RAPGEF4: variants seen among roughly 807,000 people sequenced by gnomAD.
RAPGEF4 encodes Rap guanine nucleotide exchange factor 4, also known as RAP guanine-nucleotide-exchange factor (GEF) 4.
In RAPGEF4, 66 loss-of-function variants were observed where a neutral mutation model predicts 147.9. The ratio of observed to expected loss-of-function variants is 0.45; its 90% CI spans 0.37 to 0.55. The LOEUF (loss-of-function observed/expected upper bound fraction) is 0.55, where lower values mean the gene tolerates loss of function less well. RAPGEF4 is among the 20% of genes least tolerant of loss of function. The pLI is 0.00. For synonymous variants in RAPGEF4, 419 were observed against 442.7 expected, an observed-to-expected ratio of 0.95 and a Z score of 0.67; for missense variants, 1,071 against 1,257.3, an observed-to-expected ratio of 0.85 and a Z score of 2.24.
At chr2:172,769,034 T>A (rs973365579) in intron 1 of RAPGEF4, among the ~76,000 whole-genome samples, 2 of 152,122 alleles carry the variant, frequency 1.3e-5, no homozygotes, top group Non-Finnish European at 2.9e-5. Flanking sequence ...CCTTTCCTTA[T>A]GTGTGAATGT....
intron 16 of RAPGEF4, 37 bp from the exon 17 acceptor site, chr2:173,001,229 G>T: frequency 1.2e-6 from 2 of 1,608,260 alleles, no homozygotes; most frequent in Non-Finnish European, 1.7e-6. Context: ...ATTTCCACAA[G>T]AACCTAATTT....
At chr2:172,751,359 A>G (rs535881147) in intron 1 of RAPGEF4, among the ~76,000 whole-genome samples, 142 of 152,320 alleles carry the variant, frequency 9.3e-4, no homozygotes, top group Non-Finnish European at 1.6e-3. Context: ...GTCTTCAAAA[A>G]ACGATTTATG....
At chr2:172,769,026 T>C (rs963374450) in intron 1 of RAPGEF4, among the ~76,000 whole-genome samples, 5 of 152,190 alleles carry the variant, frequency 3.3e-5, no homozygotes, top group African/African-American at 1.2e-4. Flanking sequence ...ACCATTTCCC[T>C]TTCCTTATGT....
At chr2:172,926,659 C>T (rs1361221524) in intron 6 of RAPGEF4, among the ~76,000 whole-genome samples, 6 of 152,112 alleles carry the variant, frequency 3.9e-5, no homozygotes, top group Non-Finnish European at 1.5e-5. Context: ...GCAACCTCTG[C>T]TTCCTGGGTT....
chr2:172,913,019 T>C (rs1327695980), intron 4 of RAPGEF4, among the ~76,000 whole-genome samples: 2 of 150,896 alleles, frequency 1.3e-5, no homozygotes, highest in Non-Finnish European at 2.9e-5. Flanking sequence ...CCTCAGCCTC[T>C]CAACTATCTG....
chr2:172,842,297 G>C (rs911039594), intron 4 of RAPGEF4, among the ~76,000 whole-genome samples: 4 of 152,196 alleles, frequency 2.6e-5, no homozygotes, highest in Admixed American at 2.6e-4. Flanking sequence ...AGGAGGTGAA[G>C]TCTATACTGA....
intron 5 of RAPGEF4, 46 bp downstream of exon 5, chr2:172,917,920 G>A (rs1436871346): frequency 4.5e-6 from 7 of 1,544,922 alleles, no homozygotes; most frequent in Non-Finnish European, 6.3e-6. Flanking sequence ...TTTGTCGTGT[G>A]GTATGTGTTT....
chr2:172,897,599 G>C (rs562410127), intron 4 of RAPGEF4, among the ~76,000 whole-genome samples: 3 of 151,648 alleles, frequency 2.0e-5, no homozygotes, highest in Non-Finnish European at 4.4e-5. Flanking sequence ...ACAGAGTCTT[G>C]CTTTGTTGCC....
chr2:172,967,487 G>A (rs773330829), intron 10 of RAPGEF4, 43 bp downstream of exon 10: 106 of 1,577,200 alleles, frequency 6.7e-5, no homozygotes, highest in Non-Finnish European at 7.9e-5. Flanking sequence ...TCCCAAGGCC[G>A]CCTAGTGCAT....
intron 4 of RAPGEF4, among the ~76,000 whole-genome samples, chr2:172,825,305 T>C (rs1300021217): frequency 3.9e-5 from 6 of 152,246 alleles, no homozygotes; most frequent in Non-Finnish European, 8.8e-5. Flanking sequence ...CATTGAATAC[T>C]GTACTAAAAG....
chr2:173,016,225 A>G (rs1575525899), intron 18 of RAPGEF4, 124 bp from the exon 19 acceptor site: 2 of 668,128 alleles, frequency 3.0e-6, no homozygotes, highest in Non-Finnish European at 2.6e-6. Flanking sequence ...CCTCCAGTCC[A>G]TGAAGCCATG....
chr2:172,828,776 G>A (rs1689967699), intron 4 of RAPGEF4, among the ~76,000 whole-genome samples: 1 of 152,100 alleles, frequency 6.6e-6, no homozygotes, highest in Non-Finnish European at 1.5e-5. Context: ...CTCCTCCCAT[G>A]TCTTCAAGAC....
At chr2:173,040,549 C>A (rs1684637747) in intron 29 of RAPGEF4, among the ~76,000 whole-genome samples, 1 of 152,198 alleles carries the variant, frequency 6.6e-6, no homozygotes, top group South Asian at 2.1e-4. Context: ...ACCAGGGTAG[C>A]CAGGAATACA....
In RAPGEF4 at chr2:172,786,467, AAATG is replaced by A. The variant is rs1685210189; in HGVS notation, c.66-8552_66-8549del. ...GTATAGTTTACTGAGTGAATAAATA[AAATG>A]AATGAGCATTCATGAAAGGATGTGT... is the stretch of plus-strand genomic sequence containing the variant. On this transcript the variant is annotated intron_variant, in intron 1 of 30. Coordinates refer to ENST00000397081, the MANE Select transcript of RAPGEF4 (RefSeq NM_007023.4). Among the ~76,000 whole-genome samples the A allele has an allele frequency of 4.6e-5, 7 of 152,358 alleles. No individual in the cohort carries two copies. The South Asian group carries it at 1.5e-3, about 32-fold the overall frequency.
intron 4 of RAPGEF4, among the ~76,000 whole-genome samples, chr2:172,904,043 C>G (rs1699365678): frequency 6.6e-6 from 1 of 152,164 alleles, no homozygotes; most frequent in South Asian, 2.1e-4. Context: ...CTATTACTTT[C>G]TGTGAAATGA....
chr2:172,935,203 G>C (rs1227000211), intron 6 of RAPGEF4, among the ~76,000 whole-genome samples: 2 of 152,098 alleles, frequency 1.3e-5, no homozygotes, highest in African/African-American at 4.8e-5. Flanking sequence ...AGAGGAAATT[G>C]GGGGCTCACA....
intron 4 of RAPGEF4, among the ~76,000 whole-genome samples, chr2:172,885,676 A>G (rs1247754848): frequency 6.6e-6 from 1 of 152,174 alleles, no homozygotes; most frequent in Non-Finnish European, 1.5e-5. Context: ...CACCACGAGA[A>G]CAGTATGGGA....
intron 4 of RAPGEF4, among the ~76,000 whole-genome samples, chr2:172,902,295 C>A (rs143744044): frequency 6.7e-6 from 1 of 148,328 alleles, no homozygotes; most frequent in Non-Finnish European, 1.5e-5. Context: ...CCTGGATCTT[C>A]TTTATTTATT....
intron 4 of RAPGEF4, among the ~76,000 whole-genome samples, chr2:172,909,387 C>G (rs908532840): frequency 6.6e-6 from 1 of 152,240 alleles, no homozygotes; most frequent in African/African-American, 2.4e-5. Flanking sequence ...TGCTAACTCT[C>G]TATCATTGTA....
Sources: allele counts gnomAD v4.1 joint callset (sites outside exome capture counted in the v4.1 genomes callset), GRCh38; gene constraint gnomAD v4.1.1; transcripts MANE v1.5; gene names NCBI Gene and HGNC (gene_info 2026-07-23, HGNC 2026-07-21).